Variants in ANKFN1 observed in about 807,000 individuals in gnomAD.
The protein encoded by ANKFN1 is ankyrin repeat and fibronectin type-III domain-containing protein 1.
Under a neutral mutation model 108.7 loss-of-function variants are expected in ANKFN1, and 74 were observed. The observed-to-expected ratio is 0.68, with a 90% CI of 0.56 to 0.83. The LOEUF (loss-of-function observed/expected upper bound fraction) is 0.83. Among genes scored for constraint, ANKFN1 ranks in the 40% least tolerant of loss-of-function variants. ANKFN1 has a pLI of 0.00. For missense variants in ANKFN1, 1,505 were observed against 1,382.3 expected, an observed-to-expected ratio of 1.09 and a Z score of -1.41; for synonymous variants, 547 against 516.2, an observed-to-expected ratio of 1.06 and a Z score of -0.81.
At chr17:56,409,346 T>C (rs2048020629) in intron 8 of ANKFN1, among the ~76,000 whole-genome samples, 1 of 152,196 alleles carries the variant, frequency 6.6e-6, no homozygotes, top group South Asian at 2.1e-4. Context: ...TACAGGAAGA[T>C]AGAGCAGATG....
chr17:56,055,574 T>TATATATATATAC (rs1904858081), intron 4 of ANKFN1, among the ~76,000 whole-genome samples: 1 of 105,430 alleles, frequency 9.5e-6, no homozygotes, highest in Non-Finnish European at 1.8e-5. Context: ...TACATATATA[T>TATATATATATAC]ATATATATAT....
intron 6 of ANKFN1, among the ~76,000 whole-genome samples, chr17:56,357,078 G>A (rs1236302738): frequency 6.6e-6 from 1 of 152,162 alleles, no homozygotes; most frequent in Non-Finnish European, 1.5e-5. Flanking sequence ...TCTCTGGGAT[G>A]ATAGCCATGT....
In ANKFN1 at chr17:56,229,106, A is replaced by C. The variant is rs1420124575; in HGVS notation, c.53+1149A>C. On this transcript the variant is annotated intron_variant, in intron 3 of 20. Transcript: ENST00000682825. ...TCCCACTGCTGTACATCAAATACTC[A>C]AGCGTTAGCACAAAAGACATTCACC... Among the ~76,000 whole-genome samples, 3 of 152,084 alleles carry C rather than the reference A, an allele frequency of 2.0e-5. No homozygotes were observed. In the East Asian group the frequency reaches 5.8e-4, roughly 29 times the overall value.
intron 4 of ANKFN1, among the ~76,000 whole-genome samples, chr17:56,109,465 G>A (rs185906794): frequency 2.0e-4 from 31 of 152,196 alleles, no homozygotes; most frequent in African/African-American, 7.2e-4. Context: ...CACCTCCCCC[G>A]TGGTGACAAC....
At chr17:56,177,686 A>G (rs1264666719) in intron 1 of ANKFN1, among the ~76,000 whole-genome samples, 2 of 152,244 alleles carry the variant, frequency 1.3e-5, no homozygotes, top group Admixed American at 1.3e-4. Context: ...AGGCTGAAGT[A>G]CGTGATGTCT....
intron 4 of ANKFN1, among the ~76,000 whole-genome samples, chr17:56,055,658 G>T (rs1904864208): frequency 7.0e-6 from 1 of 141,906 alleles, no homozygotes; most frequent in African/African-American, 2.7e-5. Context: ...TCATGACTTT[G>T]CTGTTGTGAA....
At chr17:56,191,775 G>A (rs1448466768) in intron 1 of ANKFN1, among the ~76,000 whole-genome samples, 3 of 147,564 alleles carry the variant, frequency 2.0e-5, no homozygotes, top group Non-Finnish European at 3.0e-5. Context: ...TGCTAGATTG[G>A]GGAAGTTCTC....
chr17:56,382,405 G>A (rs1209262853), intron 8 of ANKFN1, among the ~76,000 whole-genome samples: 2 of 152,156 alleles, frequency 1.3e-5, no homozygotes, highest in African/African-American at 2.4e-5. Flanking sequence ...TCGAGGCTAG[G>A]AAGAAACTGC....
chr17:56,336,002 T>C (rs1021890006), intron 4 of ANKFN1, among the ~76,000 whole-genome samples: 9 of 152,244 alleles, frequency 5.9e-5, no homozygotes, highest in Admixed American at 5.2e-4. Flanking sequence ...GTTCTGTTTA[T>C]GTAATGGATT....
chr17:56,425,160 A>T (rs1445009905), intron 8 of ANKFN1, among the ~76,000 whole-genome samples: 1 of 151,562 alleles, frequency 6.6e-6, no homozygotes, highest in Non-Finnish European at 1.5e-5. Flanking sequence ...GAACTCCAGT[A>T]TTCAGCATTC....
intron 8 of ANKFN1, among the ~76,000 whole-genome samples, chr17:56,416,664 A>G (rs184264901): frequency 6.6e-6 from 1 of 152,354 alleles, no homozygotes; most frequent in East Asian, 1.9e-4. Flanking sequence ...TCAAAAAACT[A>G]AAAATAGAGC....
At chr17:56,369,181 AT>A (rs1050221113) in intron 6 of ANKFN1, among the ~76,000 whole-genome samples, 15 of 152,074 alleles carry the variant, frequency 9.9e-5, no homozygotes, top group South Asian at 4.2e-4. Context: ...TTGTTTGCAC[AT>A]TTTTTTTAAA....
intron 3 of ANKFN1, among the ~76,000 whole-genome samples, chr17:56,287,687 T>G (rs1007374082): frequency 6.6e-6 from 1 of 152,234 alleles, no homozygotes; most frequent in South Asian, 2.1e-4. Context: ...CCAATCATCT[T>G]AGATCTTTTT....
At chr17:56,130,931 T>C (rs12150037) in intron 4 of ANKFN1, among the ~76,000 whole-genome samples, 28,842 of 151,826 alleles carry the variant, frequency 0.19, 3,265 homozygotes, top group African/African-American at 0.3. Flanking sequence ...GCTTCTAACT[T>C]GAGTTTTTTT....
chr17:56,403,589 T>G (rs1413857270), intron 8 of ANKFN1, among the ~76,000 whole-genome samples: 1 of 152,194 alleles, frequency 6.6e-6, no homozygotes, highest in African/African-American at 2.4e-5. Flanking sequence ...GGTTGGTGAG[T>G]TCTTATCCAT....
chr17:56,176,764 C>T (rs776817372), intron 1 of ANKFN1, among the ~76,000 whole-genome samples: 16 of 152,182 alleles, frequency 1.1e-4, no homozygotes, highest in Middle Eastern at 3.4e-3. Context: ...AAGCAAAGGA[C>T]AAAGATGAAG....
chr17:56,478,964 G>A (rs1215249022), intron 16 of ANKFN1, among the ~76,000 whole-genome samples: 1 of 152,182 alleles, frequency 6.6e-6, no homozygotes, highest in African/African-American at 2.4e-5. Context: ...ATGAGGAGGA[G>A]GAGGGAACTC....
chr17:56,159,033 C>CAAAAAAAAAAAAAAAAAAA (rs57878541), intron 1 of ANKFN1, among the ~76,000 whole-genome samples: 2 of 71,008 alleles, frequency 2.8e-5, no homozygotes, highest in Non-Finnish European at 5.1e-5. Flanking sequence ...TGGTCTAGGC[C>CAAAAAAAAAAAAAAAAAAA]AAAAAAAAAA....
At chr17:56,368,085 A>G (rs546780046) in intron 6 of ANKFN1, 2 of 901,644 alleles carry the variant, frequency 2.2e-6, no homozygotes, top group Non-Finnish European at 3.1e-6. Flanking sequence ...AGAGGCTAGT[A>G]GTTACACTTC....
Sources: gnomAD v4.1 joint callset for allele counts (sites outside exome capture counted in the v4.1 genomes callset) on GRCh38, gnomAD v4.1.1 for gene constraint, MANE v1.5 for transcripts, NCBI Gene and HGNC (gene_info 2026-07-23, HGNC 2026-07-21) for gene names.